Variants in IFNAR2 observed in about 807,000 individuals in gnomAD.
IFNAR2 encodes interferon alpha and beta receptor subunit 2, also known as interferon alpha/beta receptor 2.
In IFNAR2, 30 loss-of-function variants were observed where a neutral mutation model predicts 49.4. That is an observed-to-expected ratio of 0.61 (90% confidence interval 0.45 to 0.82). IFNAR2 has a LOEUF of 0.82. Among genes scored for constraint, IFNAR2 ranks in the 40% least tolerant of loss-of-function variants. The pLI is 0.00. For synonymous variants in IFNAR2, 224 were observed against 234.5 expected, an observed-to-expected ratio of 0.96 and a Z score of 0.41; for missense variants, 600 against 622.7, an observed-to-expected ratio of 0.96 and a Z score of 0.39.
intron 7 of IFNAR2, among the ~76,000 whole-genome samples, chr21:33,256,879 C>T (rs765578986): frequency 5.9e-5 from 9 of 151,946 alleles, no homozygotes; most frequent in South Asian, 2.1e-4. Flanking sequence ...AAAAATTATG[C>T]GGGAAAGGAG....
intron 7 of IFNAR2, among the ~76,000 whole-genome samples, chr21:33,257,833 C>T (rs1988313227): frequency 6.6e-6 from 1 of 152,130 alleles, no homozygotes; most frequent in Non-Finnish European, 1.5e-5. Context: ...ATGGGCAGGC[C>T]ACCCACAGCA....
chr21:33,231,783 G>T (rs1279827251), intron 1 of IFNAR2: 5 of 653,148 alleles, frequency 7.7e-6, no homozygotes, highest in Non-Finnish European at 9.5e-6. Flanking sequence ...GCTCTGTCGC[G>T]CAGGCTGGAG....
intron 1 of IFNAR2, among the ~76,000 whole-genome samples, chr21:33,238,361 A>T (rs901450066): frequency 3.9e-5 from 6 of 152,198 alleles, no homozygotes; most frequent in African/African-American, 1.4e-4. Context: ...AGCCACAGAC[A>T]GTCGCCACAA....
intron 3 of IFNAR2, among the ~76,000 whole-genome samples, chr21:33,244,344 A>ACG (rs1238456033): frequency 6.6e-6 from 1 of 152,224 alleles, no homozygotes; most frequent in East Asian, 1.9e-4. Flanking sequence ...TGTATAATTC[A>ACG]ACTCAGTTTC....
intron 1 of IFNAR2, among the ~76,000 whole-genome samples, chr21:33,241,156 T>C (rs1986892468): frequency 6.6e-6 from 1 of 152,210 alleles, no homozygotes; most frequent in Admixed American, 6.5e-5. Context: ...GCAATATATC[T>C]ATCTAACAAA....
At chr21:33,261,035 C>CTTTTTTTTTTTTT (rs368696822) in intron 8 of IFNAR2, among the ~76,000 whole-genome samples, 1 of 95,980 alleles carries the variant, frequency 1.0e-5, no homozygotes, top group Non-Finnish European at 1.9e-5. Flanking sequence ...GTTTTCTTTC[C>CTTTTTTTTTTTTT]TTTTTTTTTT....
chr21:33,260,686 A>G lies in IFNAR2; in HGVS notation c.799A>G (p.Ile267Val). Residue 267 changes from isoleucine to valine, a missense_variant, in exon 8 of 9, where the codon ATT becomes GTT. Coordinates refer to ENST00000342136, the MANE Select transcript of IFNAR2 (RefSeq NM_001289125.3). Reference protein sequence around the residue: ...LTSTIVTLKWIGYICLRNSLP... With the variant: ...LTSTIVTLKWVGYICLRNSLP... ...AAGCACCATAGTGACACTGAAATGG[A>G]TTGGTTATATATGCTTAAGAAATAG... 6.2e-7 allele frequency: 1 copy of G among 1,601,200 alleles called. No homozygotes were observed. Among genetic ancestry groups the G allele is most frequent in the Middle Eastern group, 1.7e-4 (1 of 6,038 alleles).
chr21:33,242,059 A>T lies in IFNAR2; in HGVS notation c.55+82A>T. On this transcript the variant is annotated intron_variant, in intron 2 of 8. Coordinates refer to ENST00000342136, the MANE Select transcript of IFNAR2 (RefSeq NM_001289125.3). ...CTGAGAGCACTGGCAGGAAGTCGCA[A>T]ACTCATTTCCCTGACTAGAGGACCC... 2.9e-6 allele frequency: 4 copies of T among 1,369,598 alleles called. No homozygotes were observed. In the South Asian group the frequency reaches 5.1e-5, roughly 18 times the overall value. The allele number at this position is 1,369,598 out of a possible 1,614,324, so 84.8% of individuals were successfully genotyped here.
At chr21:33,252,157 ACAT>A in intron 6 of IFNAR2, 1 of 470,712 alleles carries the variant, frequency 2.1e-6, no homozygotes, top group Admixed American at 2.4e-5. Flanking sequence ...GAGAAACTAG[ACAT>A]CAGTCAGTTT....
At chr21:33,231,962 A>T (rs1457539553) in intron 1 of IFNAR2, among the ~76,000 whole-genome samples, 1 of 152,162 alleles carries the variant, frequency 6.6e-6, no homozygotes, top group Non-Finnish European at 1.5e-5. Context: ...CTGGTCTGGA[A>T]CTTCTGACCT....
chr21:33,262,566 A>G (rs1161308665), intron 8 of IFNAR2: 4 of 706,702 alleles, frequency 5.7e-6, no homozygotes, highest in South Asian at 1.5e-5. Context: ...TTTAGAGGCA[A>G]GGTCTCGCTA....
chr21:33,245,119 C>G (rs781072342), intron 4 of IFNAR2, 45 bp downstream of exon 4: 3 of 1,404,958 alleles, frequency 2.1e-6, no homozygotes, highest in South Asian at 2.3e-5. Flanking sequence ...TATTATTGTT[C>G]TGTTATATGG....
chr21:33,255,257 A>G (rs190945124), intron 7 of IFNAR2, among the ~76,000 whole-genome samples: 5 of 152,350 alleles, frequency 3.3e-5, no homozygotes, highest in African/African-American at 4.8e-5. Flanking sequence ...TAGTTGTCCA[A>G]TGATTCCATT....
chr21:33,242,581 A>G (rs1380001956), intron 2 of IFNAR2, among the ~76,000 whole-genome samples: 1 of 151,160 alleles, frequency 6.6e-6, no homozygotes, highest in Non-Finnish European at 1.5e-5. Flanking sequence ...AAAATACAAA[A>G]AATTAGGCGG....
intron 6 of IFNAR2, chr21:33,251,726 C>G (rs1239016515): frequency 1.0e-6 from 1 of 984,840 alleles, no homozygotes; most frequent in African/African-American, 1.7e-5. Flanking sequence ...CATGAAAGAG[C>G]CTTCATATCA....
chr21:33,247,254 C>CTTTTTTTTT (rs59707670), intron 5 of IFNAR2, among the ~76,000 whole-genome samples: 131 of 91,484 alleles, frequency 1.4e-3, no homozygotes, highest in Non-Finnish European at 1.9e-3. Context: ...TTCTTTCTTT[C>CTTTTTTTTT]TTTTTTTTTT....
chr21:33,244,240 A>G (rs2834157), intron 3 of IFNAR2, among the ~76,000 whole-genome samples: 109,371 of 152,068 alleles, frequency 0.72, 40,100 homozygotes, highest in African/African-American at 0.85. Flanking sequence ...AGGAAACTTC[A>G]GTGATCTTTA....
At chr21:33,252,128 A>C (rs768573711) in intron 6 of IFNAR2, 1 of 447,974 alleles carries the variant, frequency 2.2e-6, no homozygotes, top group Non-Finnish European at 4.6e-6. Flanking sequence ...ATATCTGTCT[A>C]TTGATAAAGG....
At position 33,258,177 on chromosome 21, in the gene IFNAR2, C is replaced by T. The variant is rs17860238; in HGVS notation, c.710-2420C>T. On this transcript the variant is annotated intron_variant, in intron 7 of 8. Transcript: ENST00000342136. ...AAAATTAGCCAGGCGTGGTGGCATG[C>T]GTCTGGAGTCCCAGCTACTTGGGAG... 9.2e-3 allele frequency among the ~76,000 whole-genome samples: 1,401 copies of T among 152,198 alleles called. 18 individuals are homozygous for T. The highest frequency in any genetic ancestry group is 0.03 in the African/African-American group (1,261 of 41,520).
Sources: gnomAD v4.1 joint callset for allele counts (sites outside exome capture counted in the v4.1 genomes callset) on GRCh38, gnomAD v4.1.1 for gene constraint, MANE v1.5 for transcripts, NCBI Gene and HGNC (gene_info 2026-07-23, HGNC 2026-07-21) for gene names.